The following AR variants were observed in gnomAD, a reference collection of about 807,000 sequenced individuals.
The protein encoded by AR is androgen receptor.
A neutral mutation model predicts 53.9 loss-of-function variants in AR; 8 were observed. That is an observed-to-expected ratio of 0.15 (90% confidence interval 0.09 to 0.27). AR has a LOEUF of 0.27. Ranked by LOEUF, AR falls within the 10% of genes least tolerant of loss-of-function variation. The pLI, the probability that AR is intolerant of heterozygous loss-of-function variation, is 1.00. For missense variants in AR, 639 were observed against 742.5 expected (o/e 0.86, Z 1.62); for synonymous variants, 359 against 316.4 (o/e 1.13, Z -1.43).
intron 2 of AR, among the ~76,000 whole-genome samples, chrX:67,664,785 C>T (rs1213272378): frequency 8.9e-6 from 1 of 112,446 alleles, no homozygotes; most frequent in Non-Finnish European, 1.9e-5. Flanking sequence ...TTCCCAGCTG[C>T]TTTGTTTACC....
At chrX:67,556,444 G>C (rs1159108550) in intron 1 of AR, among the ~76,000 whole-genome samples, 1 of 111,949 alleles carries the variant, frequency 8.9e-6, no homozygotes, top group Non-Finnish European at 1.9e-5. Context: ...GATGGATTTG[G>C]TTGTGTGAGA....
Position 67,545,628 on chromosome X carries a change from C to T in AR, c.482C>T (p.Pro161Leu), listed in dbSNP as rs781332863. 1 of 1,192,889 alleles carries T rather than the reference C, an allele frequency of 8.4e-7. No individual in the cohort carries two copies. The change falls in exon 1 of 8, where the codon CCA (proline) becomes CTA (leucine). Residue 161 changes from proline (P) to leucine (L), a missense_variant. This residue lies in a region of AR where 423 missense variants were observed against 377.0 expected (regional missense o/e 1.12). Coordinates refer to ENST00000374690, the MANE Select transcript of AR (RefSeq NM_000044.6). ...CCGGACGAGGATGACTCAGCTGCCC[C>T]ATCCACGTTGTCCCTGCTGGGCCCC... ...APPDEDDSAA[P>L]STLSLLGPTF...
intron 2 of AR, among the ~76,000 whole-genome samples, chrX:67,664,214 G>T (rs778597924): frequency 1.8e-5 from 2 of 111,477 alleles, no homozygotes; most frequent in African/African-American, 6.5e-5. Flanking sequence ...TAGAGTTTCC[G>T]GTTTTTCTGC....
intron 2 of AR, among the ~76,000 whole-genome samples, chrX:67,684,092 A>C (rs1224282345): frequency 9.0e-6 from 1 of 111,556 alleles, no homozygotes; most frequent in Non-Finnish European, 1.9e-5. Context: ...TTCAGTAATC[A>C]ATGTAACAAG....
intron 1 of AR, among the ~76,000 whole-genome samples, chrX:67,573,444 C>T (rs1160299892): frequency 1.8e-5 from 2 of 111,473 alleles, no homozygotes; most frequent in Non-Finnish European, 3.8e-5. Flanking sequence ...AACGTTTATC[C>T]ATTTAGGGAC....
At chrX:67,657,502 C>G (rs575498957) in intron 2 of AR, among the ~76,000 whole-genome samples, 1 of 111,678 alleles carries the variant, frequency 9.0e-6, no homozygotes, top group African/African-American at 3.3e-5. Flanking sequence ...ACTTACAGTT[C>G]TCTTTCCTCC....
At chrX:67,652,805 G>A (rs1472536857) in intron 2 of AR, among the ~76,000 whole-genome samples, 1 of 111,957 alleles carries the variant, frequency 8.9e-6, no homozygotes, top group African/African-American at 3.2e-5. Flanking sequence ...TCCCTAGTAA[G>A]TTAATGAGTA....
intron 1 of AR, among the ~76,000 whole-genome samples, chrX:67,583,536 T>G (rs1922386078): frequency 8.9e-6 from 1 of 111,809 alleles, no homozygotes; most frequent in Non-Finnish European, 1.9e-5. Flanking sequence ...TGGAGTGATT[T>G]GAGAGGTAGT....
intron 2 of AR, among the ~76,000 whole-genome samples, chrX:67,655,290 G>C (rs1326864464): frequency 9.1e-6 from 1 of 110,410 alleles, no homozygotes; most frequent in Non-Finnish European, 1.9e-5. Flanking sequence ...ATACAGAAGG[G>C]GTTGGTTCTT....
At chrX:67,649,793 T>G (rs891379930) in intron 2 of AR, among the ~76,000 whole-genome samples, 6 of 112,237 alleles carry the variant, frequency 5.3e-5, no homozygotes, top group African/African-American at 1.9e-4. Flanking sequence ...GTCAGATGGA[T>G]AGATTGCGAA....
At chrX:67,681,060 G>A (rs1280708532) in intron 2 of AR, 1 of 172,210 alleles carries the variant, frequency 5.8e-6, no homozygotes, top group Non-Finnish European at 1.1e-5. Context: ...TTCAATGAGT[G>A]ATTTCTTTGC....
At chrX:67,616,379 T>G (rs1441080130) in intron 1 of AR, among the ~76,000 whole-genome samples, 2 of 109,712 alleles carry the variant, frequency 1.8e-5, no homozygotes, top group Admixed American at 1.9e-4. Flanking sequence ...CCCTGGTGTG[T>G]GATGTTCCCC....
At chrX:67,630,513 T>C in intron 1 of AR, among the ~76,000 whole-genome samples, 1 of 111,363 alleles carries the variant, frequency 9.0e-6, no homozygotes, top group South Asian at 3.9e-4. Context: ...TCCATCCTTT[T>C]ATTTTGAGCC....
intron 2 of AR, among the ~76,000 whole-genome samples, chrX:67,680,296 T>TGTACAGCAGGAAA (rs1217893856): frequency 8.9e-6 from 1 of 112,118 alleles, no homozygotes; most frequent in Non-Finnish European, 1.9e-5. Flanking sequence ...ATACTTTAAA[T>TGTACAGCAGGAAA]GTACAGCAGG....
intron 1 of AR, among the ~76,000 whole-genome samples, chrX:67,622,044 C>A: frequency 8.9e-6 from 1 of 111,863 alleles, no homozygotes; most frequent in Non-Finnish European, 1.9e-5. Context: ...GGGGATTAAG[C>A]ACCTTCACCA....
At chrX:67,666,661 C>T (rs1331763971) in intron 2 of AR, among the ~76,000 whole-genome samples, 1 of 111,551 alleles carries the variant, frequency 9.0e-6, no homozygotes, top group African/African-American at 3.3e-5. Context: ...GTTTTACTGA[C>T]TTACATATCC....
At chrX:67,702,251 G>A (rs758244611) in intron 3 of AR, among the ~76,000 whole-genome samples, 2 of 111,762 alleles carry the variant, frequency 1.8e-5, no homozygotes, top group East Asian at 5.7e-4. Context: ...TTACCCTTAA[G>A]GGGACTAAAT....
intron 3 of AR, among the ~76,000 whole-genome samples, chrX:67,704,683 G>A (rs1350003735): frequency 9.0e-6 from 1 of 111,714 alleles, no homozygotes; most frequent in African/African-American, 3.3e-5. Flanking sequence ...GGCTTTTGTT[G>A]CCATTGCTTT....
intron 1 of AR, among the ~76,000 whole-genome samples, chrX:67,599,047 C>G (rs1235497659): frequency 9.0e-6 from 1 of 111,127 alleles, no homozygotes; most frequent in Non-Finnish European, 1.9e-5. Context: ...GAGAACTAAC[C>G]AGAAGAGGGT....
Sources: allele counts gnomAD v4.1 joint callset (sites outside exome capture counted in the v4.1 genomes callset), GRCh38; gene constraint gnomAD v4.1.1; regional missense constraint gnomAD v4.1.1; transcripts MANE v1.5; gene names NCBI Gene and HGNC (gene_info 2026-07-23, HGNC 2026-07-21).